Variants in GRB10 observed in about 807,000 individuals in gnomAD.
GRB10 encodes growth factor receptor-bound protein 10.
In GRB10, 20 loss-of-function variants were observed where a neutral mutation model predicts 80.9. The observed-to-expected ratio is 0.25, with a 90% CI of 0.17 to 0.36. The LOEUF is 0.36. Ranked by LOEUF, GRB10 falls within the 10% of genes least tolerant of loss-of-function variation. The pLI, the probability that GRB10 is intolerant of heterozygous loss-of-function variation, is 1.00. For missense variants in GRB10, 548 were observed against 747.7 expected (o/e 0.73, Z 3.12); for synonymous variants, 291 against 291.5 (o/e 1.00, Z 0.02).
At chr7:50,730,065 T>G (rs989020565) in intron 4 of GRB10, among the ~76,000 whole-genome samples, 2 of 152,066 alleles carry the variant, frequency 1.3e-5, no homozygotes, top group African/African-American at 4.8e-5. Flanking sequence ...TACCAAAACT[T>G]CGGTATGGAA....
chr7:50,620,166 G>A (rs1243468420), intron 8 of GRB10, among the ~76,000 whole-genome samples: 2 of 152,168 alleles, frequency 1.3e-5, no homozygotes, highest in African/African-American at 2.4e-5. Flanking sequence ...GAGGATGGTG[G>A]CCATGGGAAA....
At chr7:50,643,365 T>C (rs2056631537) in intron 7 of GRB10, among the ~76,000 whole-genome samples, 1 of 152,110 alleles carries the variant, frequency 6.6e-6, no homozygotes, top group African/African-American at 2.4e-5. Context: ...GGCCACAGCC[T>C]CCTGTCTGTG....
chr7:50,717,715 G>A (rs2067081478), intron 4 of GRB10, among the ~76,000 whole-genome samples: 1 of 152,208 alleles, frequency 6.6e-6, no homozygotes, highest in Admixed American at 6.5e-5. Flanking sequence ...CTTCTCCTGT[G>A]TCCATATTAT....
At position 50,723,803 on chromosome 7, in the gene GRB10, C is replaced by G. The variant is rs573770458; in HGVS notation, c.51+8469G>C. 3.3e-5 allele frequency among the ~76,000 whole-genome samples: 5 copies of G among 152,332 alleles called. No homozygotes were observed. In the East Asian group the frequency reaches 9.6e-4, roughly 29 times the overall value. On this transcript the variant is annotated intron_variant, in intron 4 of 18. Transcript: ENST00000401949. ...CTCACCTCCCGCTGGCCACATGACCCTCCAAAACGGTGTAGACTCTTGATG... is the reference window on the plus strand; with the variant it reads ...CTCACCTCCCGCTGGCCACATGACCGTCCAAAACGGTGTAGACTCTTGATG...
chr7:50,631,194 G>C (rs2053932894), intron 7 of GRB10, among the ~76,000 whole-genome samples: 2 of 152,136 alleles, frequency 1.3e-5, no homozygotes, highest in African/African-American at 2.4e-5. Context: ...CAGGCTCAGG[G>C]AATCTCATGA....
intron 7 of GRB10, among the ~76,000 whole-genome samples, chr7:50,655,086 G>A (rs1360437249): frequency 6.6e-6 from 1 of 152,166 alleles, no homozygotes; most frequent in Non-Finnish European, 1.5e-5. Flanking sequence ...TTTTGTTTCT[G>A]TGGGGGTCTT....
chr7:50,612,947 T>A, intron 12 of GRB10, 108 bp from the exon 13 acceptor site: 4 of 746,782 alleles, frequency 5.4e-6, no homozygotes, highest in Non-Finnish European at 7.3e-6. Flanking sequence ...CAGCTGGAGA[T>A]CCCCCTAGCA....
At chr7:50,629,263 T>G (rs940697234) in intron 7 of GRB10, among the ~76,000 whole-genome samples, 1 of 152,198 alleles carries the variant, frequency 6.6e-6, no homozygotes, top group Admixed American at 6.5e-5. Flanking sequence ...TTTTCTCATT[T>G]TTTTTTTCAG....
At chr7:50,789,047 A>G (rs1344391091) in intron 1 of GRB10, among the ~76,000 whole-genome samples, 1 of 152,252 alleles carries the variant, frequency 6.6e-6, no homozygotes, top group Admixed American at 6.5e-5. Flanking sequence ...AGCCAAGTGA[A>G]GTCTGCAGTA....
intron 3 of GRB10, 21 bp from the exon 4 acceptor site, chr7:50,732,389 G>A: frequency 2.1e-6 from 3 of 1,396,470 alleles, no homozygotes; most frequent in Admixed American, 3.5e-5. Context: ...GACAGACTGT[G>A]AGAAGCCAAG....
intron 17 of GRB10, among the ~76,000 whole-genome samples, chr7:50,597,206 C>T (rs183680059): frequency 3.4e-4 from 52 of 152,306 alleles, no homozygotes; most frequent in Non-Finnish European, 6.9e-4. Flanking sequence ...ATGTAGAAAC[C>T]TCCCCCACCC....
At chr7:50,736,024 C>T (rs975070568) in intron 3 of GRB10, among the ~76,000 whole-genome samples, 3 of 152,192 alleles carry the variant, frequency 2.0e-5, no homozygotes, top group Admixed American at 6.5e-5. Flanking sequence ...TGGTGGCTCA[C>T]GCCTGTAAAC....
At position 50,592,534 on chromosome 7, in the gene GRB10, T is replaced by C. The variant is rs759168772; in HGVS notation, c.*418A>G. 8.8e-5 allele frequency: 24 copies of C among 274,092 alleles called. No individual in the cohort carries two copies. The highest frequency in any genetic ancestry group is 1.4e-4 in the Non-Finnish European group (20 of 139,316). 17.0% of individuals were successfully genotyped at this position (274,092 alleles called of 1,614,324 possible). ...CTCCTACAATAGGCTGAATACAATATTGAAAACAAAGAAGGAGTGCAAAAA... is the reference window on the plus strand; with the variant it reads ...CTCCTACAATAGGCTGAATACAATACTGAAAACAAAGAAGGAGTGCAAAAA... On this transcript the variant is annotated 3_prime_UTR_variant, in exon 19 of 19. Transcript: ENST00000401949.
intron 3 of GRB10, among the ~76,000 whole-genome samples, chr7:50,742,283 A>G (rs1435129629): frequency 9.7e-4 from 26 of 26,826 alleles, no homozygotes; most frequent in African/African-American, 1.3e-3. Context: ...ACACACACAC[A>G]CACACACACA....
At chr7:50,627,811 T>C (rs2053221716) in intron 7 of GRB10, among the ~76,000 whole-genome samples, 1 of 152,190 alleles carries the variant, frequency 6.6e-6, no homozygotes, top group African/African-American at 2.4e-5. Context: ...CATTTTAAAT[T>C]GCGACTGCCT....
chr7:50,609,226 G>C (rs2049069538), intron 13 of GRB10, among the ~76,000 whole-genome samples: 1 of 152,058 alleles, frequency 6.6e-6, no homozygotes, highest in African/African-American at 2.4e-5. Flanking sequence ...GATTATCAAA[G>C]TAAAATAGTT....
At chr7:50,787,729 G>C (rs2078753519), upstream of GRB10, among the ~76,000 whole-genome samples, 1 of 152,212 alleles carries the variant, frequency 6.6e-6, no homozygotes, top group Admixed American at 6.5e-5. Context: ...ACCTCACTAG[G>C]ATCGCAGGCC....
In GRB10 at chr7:50,742,261, A is replaced by ACG. The variant is rs757623893; in HGVS notation, c.-46-9895_-46-9894dup. Among the ~76,000 whole-genome samples, 276 of 45,428 alleles carry ACG rather than the reference A, an allele frequency of 6.1e-3. 2 individuals are homozygous for ACG. Among genetic ancestry groups the ACG allele is most frequent in the Non-Finnish European group, 0.018 (161 of 9,022 alleles). 29.8% of individuals were successfully genotyped at this position (45,428 alleles called of 152,430 possible). On this transcript the variant is annotated intron_variant, in intron 3 of 18. Coordinates refer to ENST00000401949, the MANE Select transcript of GRB10 (RefSeq NM_001350814.2). ...TTTGTCTATGTGTAAACACACGCGC[A>ACG]CGCGCGCGCGCACACACACACACAC...
At chr7:50,597,723 GTCTA>G (rs943954761) in intron 17 of GRB10, among the ~76,000 whole-genome samples, 7 of 152,234 alleles carry the variant, frequency 4.6e-5, no homozygotes, top group Non-Finnish European at 1.0e-4. Context: ...CCTGAAGGTT[GTCTA>G]TCTGAGATGA....
Sources: allele counts gnomAD v4.1 joint callset (sites outside exome capture counted in the v4.1 genomes callset), GRCh38; gene constraint gnomAD v4.1.1; transcripts MANE v1.5; gene names NCBI Gene and HGNC (gene_info 2026-07-23, HGNC 2026-07-21).